Variants in OPCML observed in about 807,000 individuals in gnomAD.
OPCML encodes the protein opioid binding protein/cell adhesion molecule like.
A neutral mutation model predicts 37.8 loss-of-function variants in OPCML; 13 were observed. That is an observed-to-expected ratio of 0.34 (90% CI 0.22 to 0.55). OPCML has a LOEUF of 0.55. Ranked by LOEUF, OPCML falls within the 20% of genes least tolerant of loss-of-function variation. The pLI, the probability that OPCML is intolerant of heterozygous loss-of-function variation, is 0.91. For missense variants in OPCML, 341 were observed against 435.6 expected, an observed-to-expected ratio of 0.78 and a Z score of 1.93; for synonymous variants, 176 against 168.8, an observed-to-expected ratio of 1.04 and a Z score of -0.33.
At chr11:133,240,313 C>T (rs981173313) in intron 1 of OPCML, among the ~76,000 whole-genome samples, 1 of 151,818 alleles carries the variant, frequency 6.6e-6, no homozygotes, top group Non-Finnish European at 1.5e-5. Context: ...TATTTATCGT[C>T]CCTCAACTAT....
At chr11:132,723,554 G>A (rs1290965499) in intron 2 of OPCML, among the ~76,000 whole-genome samples, 2 of 144,094 alleles carry the variant, frequency 1.4e-5, no homozygotes, top group Non-Finnish European at 3.0e-5. Context: ...TAATTTTAGT[G>A]ATTTTTTTTT....
rs115067953 is a variant in OPCML at position 133,173,810 on chromosome 11, C to T, written c.62-230800G>A. On this transcript the variant is annotated intron_variant, in intron 1 of 7. Transcript: ENST00000524381. This position sits in a 1 kb window ranked among gnomAD's most constrained non-coding sequence, Gnocchi z 7.8. ...CCCCATCCCAGCTTCCATAGCAATACGACAGAGCCTAAAGATGCAGGCCTT... is the reference window on the plus strand; with the variant it reads ...CCCCATCCCAGCTTCCATAGCAATATGACAGAGCCTAAAGATGCAGGCCTT... Among the ~76,000 whole-genome samples, 1,757 of 152,226 alleles carry T rather than the reference C, an allele frequency of 0.012. 24 individuals carry two copies. The highest frequency in any genetic ancestry group is 0.04 in the African/African-American group (1,660 of 41,538).
intron 3 of OPCML, among the ~76,000 whole-genome samples, chr11:132,601,045 T>C (rs889316138): frequency 6.6e-6 from 1 of 152,100 alleles, no homozygotes; most frequent in Admixed American, 6.6e-5. Context: ...ATAATGTATA[T>C]ACAAATTAAA....
chr11:133,260,341 T>C (rs1382882639), intron 1 of OPCML, among the ~76,000 whole-genome samples: 2 of 151,934 alleles, frequency 1.3e-5, no homozygotes, highest in Admixed American at 1.3e-4. Context: ...ATGGTGTACA[T>C]TTGGAAACTG....
chr11:132,582,389 C>G (rs965214439), intron 3 of OPCML, among the ~76,000 whole-genome samples: 6 of 151,970 alleles, frequency 3.9e-5, no homozygotes, highest in African/African-American at 1.5e-4. Flanking sequence ...AGAATAGACA[C>G]TGCTAAAAAA....
intron 2 of OPCML, among the ~76,000 whole-genome samples, chr11:132,902,142 G>A (rs969401942): frequency 2.6e-5 from 4 of 152,160 alleles, no homozygotes; most frequent in African/African-American, 9.7e-5. Context: ...AATCAAGCTC[G>A]GGGTCCAGGA....
At chr11:133,292,742 G>A (rs1012560659) in intron 1 of OPCML, among the ~76,000 whole-genome samples, 6 of 152,186 alleles carry the variant, frequency 3.9e-5, no homozygotes, top group Non-Finnish European at 8.8e-5. Context: ...GATATAATAT[G>A]TGGACGCAAG....
At chr11:132,472,055 T>G (rs1004094913) in intron 4 of OPCML, among the ~76,000 whole-genome samples, 2 of 152,206 alleles carry the variant, frequency 1.3e-5, no homozygotes, top group African/African-American at 4.8e-5. Context: ...TGAACAAATA[T>G]TCCACATTCA....
intron 1 of OPCML, among the ~76,000 whole-genome samples, chr11:133,446,876 C>A (rs1011330875): frequency 2.0e-5 from 3 of 152,166 alleles, no homozygotes; most frequent in Non-Finnish European, 4.4e-5. Flanking sequence ...TCAGTAGTTT[C>A]TTTCTATTGT....
In OPCML at chr11:132,452,584, C is replaced by T. The variant is rs569065388; in HGVS notation, c.506-15225G>A. ...TCCTTCCTTCCTGCCTGCCTTCCTACTTTCCTTCCTTCCTGCCTGCCTTCC... is the reference window on the plus strand; with the variant it reads ...TCCTTCCTTCCTGCCTGCCTTCCTATTTTCCTTCCTTCCTGCCTGCCTTCC... On this transcript the variant is annotated intron_variant, in intron 4 of 7. Coordinates refer to ENST00000524381, the MANE Select transcript of OPCML (RefSeq NM_001012393.5). Among the ~76,000 whole-genome samples the T allele has an allele frequency of 2.3e-4, 34 of 150,316 alleles. No homozygotes were observed. The South Asian group carries it at 6.9e-3, about 30-fold the overall frequency.
chr11:132,598,106 A>T (rs2096495326), intron 3 of OPCML, among the ~76,000 whole-genome samples: 2 of 152,018 alleles, frequency 1.3e-5, no homozygotes. Flanking sequence ...AACATATACC[A>T]AGTATCAGGC....
intron 3 of OPCML, among the ~76,000 whole-genome samples, chr11:132,531,432 T>A (rs1021821458): frequency 3.3e-5 from 5 of 152,192 alleles, no homozygotes; most frequent in South Asian, 2.1e-4. Flanking sequence ...CAAACCAACC[T>A]GAGTTGATGT....
intron 1 of OPCML, among the ~76,000 whole-genome samples, chr11:133,412,538 G>T (rs1475663325): frequency 6.6e-6 from 1 of 152,202 alleles, no homozygotes; most frequent in Non-Finnish European, 1.5e-5. Flanking sequence ...TCAGAGAGTA[G>T]AACCCTACCA....
At chr11:132,666,012 A>T (rs188102262) in intron 2 of OPCML, among the ~76,000 whole-genome samples, 2 of 152,290 alleles carry the variant, frequency 1.3e-5, no homozygotes, top group Admixed American at 1.3e-4. Context: ...TAAATAGAAC[A>T]TTTAGGAGAG....
intron 1 of OPCML, among the ~76,000 whole-genome samples, chr11:133,403,566 A>C (rs1443781039): frequency 6.6e-6 from 1 of 152,226 alleles, no homozygotes; most frequent in African/African-American, 2.4e-5. Flanking sequence ...AGAATGAACC[A>C]AAGGCAGGTT....
At chr11:132,622,985 G>A (rs906592757) in intron 3 of OPCML, among the ~76,000 whole-genome samples, 6 of 152,050 alleles carry the variant, frequency 3.9e-5, no homozygotes, top group African/African-American at 7.3e-5. Flanking sequence ...TCATTTAAAC[G>A]AGATAATGCG....
chr11:133,496,290 T>A (rs1947785967), intron 1 of OPCML, among the ~76,000 whole-genome samples: 1 of 152,244 alleles, frequency 6.6e-6, no homozygotes, highest in African/African-American at 2.4e-5. Flanking sequence ...CCACACTGTT[T>A]TGCTGACTAT....
chr11:133,147,889 A>G (rs1949920095), intron 1 of OPCML, among the ~76,000 whole-genome samples: 1 of 152,172 alleles, frequency 6.6e-6, no homozygotes, highest in South Asian at 2.1e-4. Context: ...GATGGCATTT[A>G]ACTCAAAATT....
At position 132,883,168 on chromosome 11, in the gene OPCML, T is replaced by A. The variant is rs1196492227; in HGVS notation, c.146+59758A>T. On this transcript the variant is annotated intron_variant, in intron 2 of 7. Coordinates refer to ENST00000524381, the MANE Select transcript of OPCML (RefSeq NM_001012393.5). ...GATCTTATACGCCTCATGCAACACG[T>A]GAATCTACTGGATTAACTCAGCCAT... Among the ~76,000 whole-genome samples, 3 of 151,884 alleles carry A rather than the reference T, an allele frequency of 2.0e-5. No individual in the cohort carries two copies. The East Asian group carries it at 5.8e-4, about 29-fold the overall frequency.
Sources: gnomAD v4.1 joint callset for allele counts (sites outside exome capture counted in the v4.1 genomes callset) on GRCh38, gnomAD v4.1.1 for gene constraint, Gnocchi (gnomAD v3.1) non-coding constraint, MANE v1.5 for transcripts, NCBI Gene and HGNC (gene_info 2026-07-23, HGNC 2026-07-21) for gene names.